PRIM2: variants seen among roughly 807,000 people sequenced by gnomAD.
PRIM2 encodes the protein DNA primase large subunit.
In PRIM2, 39 loss-of-function variants were observed where a neutral mutation model predicts 67.3. That is an observed-to-expected ratio of 0.58 (90% confidence interval 0.45 to 0.76). The LOEUF (loss-of-function observed/expected upper bound fraction) is 0.76. PRIM2 is among the 30% of genes least tolerant of loss of function. PRIM2 has a pLI of 0.00. For synonymous variants in PRIM2, 143 were observed against 198.7 expected, an observed-to-expected ratio of 0.72 and a Z score of 2.36; for missense variants, 398 against 598.7, an observed-to-expected ratio of 0.66 and a Z score of 3.50.
the PRIM2 span, among the ~76,000 whole-genome samples, chr6:57,240,733 G>A: frequency 2.0e-5 from 3 of 152,136 alleles, no homozygotes; most frequent in African/African-American, 7.2e-5. Flanking sequence ...GTTGAGTAAA[G>A]ACTTACATTT....
intron 12 of PRIM2, among the ~76,000 whole-genome samples, chr6:57,612,699 C>G (rs1344411860): frequency 2.4e-4 from 36 of 151,124 alleles, no homozygotes; most frequent in Non-Finnish European, 4.4e-4. Flanking sequence ...AAAACTTTTA[C>G]TTTTTTAGAA....
chr6:57,434,149 T>G (rs1332008561), intron 7 of PRIM2, among the ~76,000 whole-genome samples: 3 of 152,008 alleles, frequency 2.0e-5, no homozygotes, highest in Non-Finnish European at 4.4e-5. Flanking sequence ...GGTCTTGAAC[T>G]CCTGACCTCA....
chr6:57,588,524 G>T (rs1283379800), intron 10 of PRIM2, among the ~76,000 whole-genome samples: 1 of 151,542 alleles, frequency 6.6e-6, no homozygotes, highest in African/African-American at 2.4e-5. Context: ...TGAGGAGGGG[G>T]ACTTGGGTTT....
rs544486969 is a variant in PRIM2, at chr6:57,444,811, A to G, written c.694-62576A>G. On this transcript the variant is annotated intron_variant, in intron 7 of 13. Coordinates refer to ENST00000615550, the MANE Select transcript of PRIM2 (RefSeq NM_000947.5). ...TTGCTTTTGCTTGGCTCCTCTCTGCATAGTATGTATTCTGGTTTTTAAATA... is the reference window on the plus strand; with the variant it reads ...TTGCTTTTGCTTGGCTCCTCTCTGCGTAGTATGTATTCTGGTTTTTAAATA... 2.0e-5 allele frequency among the ~76,000 whole-genome samples: 3 copies of G among 152,082 alleles called. No individual in the cohort carries two copies. The South Asian group carries it at 6.2e-4, about 32-fold the overall frequency.
At chr6:57,454,355 AGGAAT>A (rs1221041757) in intron 7 of PRIM2, among the ~76,000 whole-genome samples, 12 of 152,302 alleles carry the variant, frequency 7.9e-5, no homozygotes, top group Admixed American at 4.6e-4. Context: ...TAGTTTCAGA[AGGAAT>A]GGTACCAGTT....
At chr6:57,623,538 T>C (rs1218285235) in intron 12 of PRIM2, among the ~76,000 whole-genome samples, 1 of 152,204 alleles carries the variant, frequency 6.6e-6, no homozygotes, top group Non-Finnish European at 1.5e-5. Context: ...AAATCACTGA[T>C]ACCTATGGAA....
At chr6:57,580,712 C>T (rs1776066588) in intron 10 of PRIM2, among the ~76,000 whole-genome samples, 1 of 152,046 alleles carries the variant, frequency 6.6e-6, no homozygotes, top group Non-Finnish European at 1.5e-5. Context: ...GTTTTATAAC[C>T]TGCTTTAGGG....
At chr6:57,378,057 C>T (rs1769829390) in intron 5 of PRIM2, among the ~76,000 whole-genome samples, 3 of 151,050 alleles carry the variant, frequency 2.0e-5, no homozygotes, top group Admixed American at 1.3e-4. Flanking sequence ...GCTTTTTCTT[C>T]TTCTTCTTCT....
the PRIM2 span, among the ~76,000 whole-genome samples, chr6:57,229,875 A>G: frequency 1.4e-4 from 3 of 21,384 alleles, no homozygotes; most frequent in Non-Finnish European, 2.2e-4. Context: ...GTTGCACTCG[A>G]TGACTCTCCC....
intron 7 of PRIM2, among the ~76,000 whole-genome samples, chr6:57,431,804 T>G (rs1429666493): frequency 2.0e-5 from 3 of 152,172 alleles, no homozygotes; most frequent in Admixed American, 6.5e-5. Context: ...AACTTCACTG[T>G]GTTTACCTTA....
chr6:57,609,857 G>A (rs1313358473), intron 12 of PRIM2, among the ~76,000 whole-genome samples: 5 of 152,210 alleles, frequency 3.3e-5, no homozygotes, highest in Non-Finnish European at 7.3e-5. Context: ...GTTAATGGAT[G>A]AAAATTCCAT....
Position 57,576,413 on chromosome 6 carries a change from C to G in PRIM2, c.1021-24680C>G, listed in dbSNP as rs1454391275. 1.2e-4 allele frequency among the ~76,000 whole-genome samples: 18 copies of G among 152,148 alleles called. 1 individual carries two copies. The highest frequency in any genetic ancestry group is 1.9e-4 in the Non-Finnish European group (13 of 67,978). On this transcript the variant is annotated intron_variant, in intron 10 of 13. Transcript: ENST00000615550. ...AATTCAGTTTCTTAATGATAAATCACAGTGAAGTACAGAAGTAAACAGATA... is the reference window on the plus strand; with the variant it reads ...AATTCAGTTTCTTAATGATAAATCAGAGTGAAGTACAGAAGTAAACAGATA...
At chr6:57,444,392 C>G (rs928302505) in intron 7 of PRIM2, among the ~76,000 whole-genome samples, 55 of 151,992 alleles carry the variant, frequency 3.6e-4, no homozygotes, top group African/African-American at 1.3e-3. Flanking sequence ...CATACTGAAA[C>G]CCCGTCTCTA....
chr6:57,506,062 T>C (rs1774245239), intron 7 of PRIM2, among the ~76,000 whole-genome samples: 2 of 151,348 alleles, frequency 1.3e-5, no homozygotes, highest in South Asian at 4.2e-4. Context: ...TAGAATTTGA[T>C]AACCTTGATA....
At chr6:57,237,802 T>TGTTTTGGTTACTATAGC in the PRIM2 span, among the ~76,000 whole-genome samples, 1 of 152,228 alleles carries the variant, frequency 6.6e-6, no homozygotes, top group Admixed American at 6.5e-5. Context: ...AGTACCATGC[T>TGTTTTGGTTACTATAGC]GTTTTGGTTA....
intron 10 of PRIM2, among the ~76,000 whole-genome samples, chr6:57,563,489 GA>G (rs1775678891): frequency 1.3e-5 from 2 of 152,100 alleles, no homozygotes; most frequent in Non-Finnish European, 1.5e-5. Flanking sequence ...TTTCCCCTCT[GA>G]AATTTGGGGC....
upstream of PRIM2, among the ~76,000 whole-genome samples, chr6:57,310,330 T>G (rs576467571): frequency 6.6e-6 from 1 of 152,320 alleles, no homozygotes; most frequent in Non-Finnish European, 1.5e-5. Flanking sequence ...TAACCCTGAG[T>G]TGACACAGCA....
chr6:57,497,023 G>A (rs1441777374), intron 7 of PRIM2, among the ~76,000 whole-genome samples: 1 of 152,062 alleles, frequency 6.6e-6, no homozygotes, highest in African/African-American at 2.4e-5. Flanking sequence ...AAATGTATGG[G>A]GCTAACTATA....
chr6:57,477,646 C>T (rs1368024287), intron 7 of PRIM2, among the ~76,000 whole-genome samples: 49,594 of 151,916 alleles, frequency 0.33, 8,079 homozygotes, highest in East Asian at 0.44. Flanking sequence ...CAACACTACT[C>T]GTAATAGATA....
Sources: gnomAD v4.1 joint callset for allele counts (sites outside exome capture counted in the v4.1 genomes callset) on GRCh38, gnomAD v4.1.1 for gene constraint, MANE v1.5 for transcripts, NCBI Gene and HGNC (gene_info 2026-07-23, HGNC 2026-07-21) for gene names.